PPP1R9A: variants seen among roughly 807,000 people sequenced by gnomAD.
PPP1R9A encodes neurabin-1.
In PPP1R9A, 59 loss-of-function variants were observed where a neutral mutation model predicts 141.9. The observed-to-expected ratio is 0.42, with a 90% CI of 0.34 to 0.52. PPP1R9A has a LOEUF of 0.52. PPP1R9A is among the 20% of genes least tolerant of loss of function. The pLI is 0.10. For missense variants in PPP1R9A, 1,444 were observed against 1,611.9 expected, an observed-to-expected ratio of 0.90 and a Z score of 1.78; for synonymous variants, 500 against 569.7, an observed-to-expected ratio of 0.88 and a Z score of 1.74.
At chr7:95,281,495 A>G (rs867323958) in intron 16 of PPP1R9A, among the ~76,000 whole-genome samples, 2 of 152,158 alleles carry the variant, frequency 1.3e-5, no homozygotes, top group African/African-American at 4.8e-5. Flanking sequence ...GACCCTCCTC[A>G]GTGCTGGATG....
At chr7:95,082,995 T>C (rs1177156388) in intron 2 of PPP1R9A, among the ~76,000 whole-genome samples, 2 of 151,776 alleles carry the variant, frequency 1.3e-5, no homozygotes, top group East Asian at 3.9e-4. Context: ...GACCTCATGA[T>C]CCGCCCACCT....
At chr7:95,172,768 A>T (rs576135923) in intron 5 of PPP1R9A, among the ~76,000 whole-genome samples, 2 of 151,878 alleles carry the variant, frequency 1.3e-5, no homozygotes, top group Non-Finnish European at 2.9e-5. Flanking sequence ...TATTTTGTAG[A>T]TGTTATTGTT....
chr7:95,065,022 A>G (rs1475053684), intron 2 of PPP1R9A, among the ~76,000 whole-genome samples: 1 of 152,096 alleles, frequency 6.6e-6, no homozygotes, highest in African/African-American at 2.4e-5. Flanking sequence ...CCTGCCTAAT[A>G]TGTTGTGGAA....
At chr7:95,281,299 G>A (rs1322200696) in intron 16 of PPP1R9A, among the ~76,000 whole-genome samples, 1 of 152,184 alleles carries the variant, frequency 6.6e-6, no homozygotes. Context: ...TGAATCTGGT[G>A]ATTTGCCACT....
intron 2 of PPP1R9A, among the ~76,000 whole-genome samples, chr7:94,929,804 GAAT>G (rs1793938081): frequency 6.6e-6 from 1 of 152,204 alleles, no homozygotes; most frequent in Non-Finnish European, 1.5e-5. Context: ...TGAGACTGAT[GAAT>G]GTTTGTCAGA....
chr7:95,198,134 C>T (rs894838987), intron 5 of PPP1R9A, among the ~76,000 whole-genome samples: 2 of 151,712 alleles, frequency 1.3e-5, no homozygotes, highest in East Asian at 3.9e-4. Context: ...TTACTTTTTT[C>T]CCCCTTCTTT....
chr7:95,120,557 G>A (rs1002236643), intron 3 of PPP1R9A, among the ~76,000 whole-genome samples, 155 bp from the exon 4 acceptor site: 39 of 152,160 alleles, frequency 2.6e-4, no homozygotes, highest in Admixed American at 2.0e-3. Flanking sequence ...CCCTTACTGC[G>A]TAGCTTAGAA....
At chr7:94,929,227 A>G (rs1291619712) in intron 2 of PPP1R9A, among the ~76,000 whole-genome samples, 2 of 152,230 alleles carry the variant, frequency 1.3e-5, no homozygotes, top group Non-Finnish European at 2.9e-5. Context: ...CCTGAATTAC[A>G]TATTAGAATA....
intron 12 of PPP1R9A, among the ~76,000 whole-genome samples, chr7:95,264,896 G>A (rs1453160284): frequency 6.6e-6 from 1 of 152,154 alleles, no homozygotes; most frequent in Non-Finnish European, 1.5e-5. Context: ...AAAGAACTGA[G>A]GTCTTGGGCT....
In PPP1R9A at chr7:95,085,432, T is replaced by A. The variant is rs1007266449; in HGVS notation, c.1396-25827T>A. On this transcript the variant is annotated intron_variant, in intron 2 of 19. Transcript: ENST00000433360. ...AAAAAAAATTTTTGGTTTTTTTTTT[T>A]TTTTTTTGAGTCTTGCTCTGTCACC... 1.0e-4 allele frequency among the ~76,000 whole-genome samples: 15 copies of A among 149,572 alleles called. 2 individuals carry two copies. Among genetic ancestry groups the A allele is most frequent in the African/African-American group, 3.7e-4 (15 of 40,442 alleles).
At chr7:95,117,464 G>A (rs1821727409) in intron 3 of PPP1R9A, among the ~76,000 whole-genome samples, 1 of 152,108 alleles carries the variant, frequency 6.6e-6, no homozygotes, top group South Asian at 2.1e-4. Flanking sequence ...CATTAGAATT[G>A]AGGATGGCTT....
chr7:95,246,845 G>A (rs1798186559), intron 8 of PPP1R9A, among the ~76,000 whole-genome samples: 1 of 152,158 alleles, frequency 6.6e-6, no homozygotes, highest in Admixed American at 6.5e-5. Flanking sequence ...CTAATAAGCT[G>A]TGGCAGAAGC....
intron 2 of PPP1R9A, among the ~76,000 whole-genome samples, chr7:95,000,085 G>A (rs1235106853): frequency 6.6e-6 from 1 of 152,144 alleles, no homozygotes; most frequent in Admixed American, 6.6e-5. Flanking sequence ...TTACAGGCAT[G>A]AGCCACCGCG....
intron 2 of PPP1R9A, among the ~76,000 whole-genome samples, chr7:95,071,763 T>A (rs1291490052): frequency 1.3e-5 from 2 of 151,990 alleles, no homozygotes; most frequent in Non-Finnish European, 2.9e-5. Flanking sequence ...TATTTTAATA[T>A]AAAAGCATGT....
intron 12 of PPP1R9A, among the ~76,000 whole-genome samples, chr7:95,267,190 C>A (rs769051624): frequency 6.0e-4 from 91 of 152,098 alleles, no homozygotes; most frequent in Non-Finnish European, 1.0e-3. Flanking sequence ...AACTGAGGTG[C>A]TTCCTTGCTT....
chr7:95,167,305 C>T (rs1831414046), intron 5 of PPP1R9A, among the ~76,000 whole-genome samples: 1 of 152,108 alleles, frequency 6.6e-6, no homozygotes, highest in Non-Finnish European at 1.5e-5. Flanking sequence ...CAATCACTTC[C>T]CACCAGGTTC....
chr7:95,288,071 G>T (rs1805679904), intron 18 of PPP1R9A, among the ~76,000 whole-genome samples: 1 of 152,132 alleles, frequency 6.6e-6, no homozygotes, highest in Non-Finnish European at 1.5e-5. Context: ...TGAAATAATG[G>T]TTGTGAAACT....
intron 5 of PPP1R9A, among the ~76,000 whole-genome samples, chr7:95,183,036 G>C (rs1225533659): frequency 6.6e-6 from 1 of 152,050 alleles, no homozygotes; most frequent in Admixed American, 6.6e-5. Context: ...TTAAGTTTAT[G>C]CCTGTTAAAT....
At chr7:95,222,053 G>A (rs1161162686) in intron 7 of PPP1R9A, among the ~76,000 whole-genome samples, 7 of 151,952 alleles carry the variant, frequency 4.6e-5, no homozygotes, top group Admixed American at 4.6e-4. Flanking sequence ...TCTTTCAAAG[G>A]GGAATTCTAT....
Sources: gnomAD v4.1 joint callset for allele counts (sites outside exome capture counted in the v4.1 genomes callset) on GRCh38, gnomAD v4.1.1 for gene constraint, MANE v1.5 for transcripts, NCBI Gene and HGNC (gene_info 2026-07-23, HGNC 2026-07-21) for gene names.